The following PTPRZ1 variants were observed in gnomAD, a reference collection of about 807,000 sequenced individuals.
PTPRZ1 encodes the protein receptor-type tyrosine-protein phosphatase zeta.
Under a neutral mutation model 214.1 loss-of-function variants are expected in PTPRZ1, and 82 were observed. That is an observed-to-expected ratio of 0.38 (90% confidence interval 0.32 to 0.46). PTPRZ1 has a LOEUF of 0.46. Ranked by LOEUF, PTPRZ1 falls within the 20% of genes least tolerant of loss-of-function variation. The pLI is 1.00. For synonymous variants in PTPRZ1, 945 were observed against 987.9 expected (o/e 0.96, Z 0.81); for missense variants, 2,603 against 2,748.7 (o/e 0.95, Z 1.19).
chr7:121,975,975 T>C (rs1797417583), intron 4 of PTPRZ1, among the ~76,000 whole-genome samples, 198 bp from the exon 5 acceptor site: 1 of 152,226 alleles, frequency 6.6e-6, no homozygotes. Flanking sequence ...CCCCTGGTAA[T>C]CTCAAAATGG....
At chr7:121,970,047 C>T (rs1402377055) in intron 3 of PTPRZ1, among the ~76,000 whole-genome samples, 24 of 148,190 alleles carry the variant, frequency 1.6e-4, no homozygotes, top group African/African-American at 5.2e-4. Context: ...TGAGAACATG[C>T]GGTGTTTGGT....
At chr7:121,942,014 C>T (rs929997865) in intron 2 of PTPRZ1, among the ~76,000 whole-genome samples, 1 of 152,152 alleles carries the variant, frequency 6.6e-6, no homozygotes, top group Non-Finnish European at 1.5e-5. Flanking sequence ...ACTTTGCATT[C>T]GTTTCACAAT....
At chr7:121,959,237 A>G (rs2116482030) in intron 2 of PTPRZ1, among the ~76,000 whole-genome samples, 1 of 152,348 alleles carries the variant, frequency 6.6e-6, no homozygotes, top group African/African-American at 2.4e-5. Flanking sequence ...AATAGCATAT[A>G]TCAGCCAGAC....
chr7:121,988,929 T>A lies in PTPRZ1; in HGVS notation c.928+4812T>A, dbSNP rs181039746. 1.4e-4 allele frequency among the ~76,000 whole-genome samples: 22 copies of A among 152,290 alleles called. No individual in the cohort carries two copies. In the East Asian group the frequency reaches 3.1e-3, roughly 21 times the overall value. ...ATGTGTGTACAGTTCATGTTCAAAA[T>A]TAAAGATCATTCCAGGAAAAGAAAG... is the stretch of plus-strand genomic sequence containing the variant. On this transcript the variant is annotated intron_variant, in intron 8 of 29. Transcript: ENST00000393386.
intron 11 of PTPRZ1, among the ~76,000 whole-genome samples, chr7:122,008,056 G>GT (rs1260978056): frequency 6.6e-5 from 10 of 151,870 alleles, no homozygotes; most frequent in African/African-American, 2.4e-4. Context: ...TGTGTGCATA[G>GT]TTTTTTCCCA....
chr7:121,952,215 C>T (rs1428278785), intron 2 of PTPRZ1, among the ~76,000 whole-genome samples: 2 of 152,112 alleles, frequency 1.3e-5, no homozygotes, highest in African/African-American at 2.4e-5. Context: ...GCCTCGGCCT[C>T]CCAAAGTGCT....
chr7:122,047,265 A>G (rs1792021297), intron 23 of PTPRZ1, among the ~76,000 whole-genome samples: 1 of 152,204 alleles, frequency 6.6e-6, no homozygotes, highest in South Asian at 2.1e-4. Context: ...AGACAATTAT[A>G]TAACTCTTAA....
chr7:121,999,972 A>C (rs1798270193), intron 10 of PTPRZ1, among the ~76,000 whole-genome samples: 2 of 152,144 alleles, frequency 1.3e-5, no homozygotes, highest in Admixed American at 1.3e-4. Flanking sequence ...TTGTTTGGAT[A>C]CACCATTAAA....
intron 12 of PTPRZ1, among the ~76,000 whole-genome samples, chr7:122,016,659 G>A (rs2116675652): frequency 6.6e-6 from 1 of 151,528 alleles, no homozygotes; most frequent in African/African-American, 2.4e-5. Flanking sequence ...TGTGTATATG[G>A]TATATTTACA....
chr7:121,933,515 G>A (rs564810757), intron 2 of PTPRZ1, among the ~76,000 whole-genome samples: 1 of 152,034 alleles, frequency 6.6e-6, no homozygotes, highest in Admixed American at 6.5e-5. Context: ...ATTCAAATAA[G>A]AAAGTATGGC....
At chr7:122,030,093 A>G (rs963333254) in intron 14 of PTPRZ1, among the ~76,000 whole-genome samples, 1 of 151,976 alleles carries the variant, frequency 6.6e-6, no homozygotes, top group African/African-American at 2.4e-5. Flanking sequence ...TTTTTAACAA[A>G]TAAAATAATA....
In PTPRZ1 at chr7:122,011,773, A is replaced by G; in HGVS notation, c.2727A>G (p.Glu909=). 1 of 1,614,104 alleles carries G rather than the reference A, an allele frequency of 6.2e-7. No homozygotes were observed. The highest frequency in any genetic ancestry group is 8.5e-7 in the Non-Finnish European group (1 of 1,179,976). ...LYKTLMFSQV[E]PPSSDAMMHA... is the part of the protein sequence containing the mutation. ...AAACGCTTATGTTTTCTCAAGTTGA[A>G]CCACCCAGCAGTGATGCCATGATGC... The change falls in exon 12 of 30, where the codon GAA becomes GAG. Residue 909 remains glutamate (E), a synonymous_variant. Transcript: ENST00000393386.
At chr7:121,957,316 G>T (rs1177725835) in intron 2 of PTPRZ1, among the ~76,000 whole-genome samples, 1 of 151,824 alleles carries the variant, frequency 6.6e-6, no homozygotes, top group African/African-American at 2.4e-5. Context: ...TTTCTCTTGG[G>T]CATGGTGGCG....
chr7:121,912,300 A>G (rs2116312785), intron 1 of PTPRZ1, among the ~76,000 whole-genome samples: 1 of 152,336 alleles, frequency 6.6e-6, no homozygotes, highest in South Asian at 2.1e-4. Flanking sequence ...GGGAAACAAT[A>G]TAAGAGATGG....
At position 122,013,199 on chromosome 7, in the gene PTPRZ1, G is replaced by A; in HGVS notation, c.4153G>A (p.Gly1385Ser). Residue 1385 changes from glycine (G) to serine (S), a missense_variant, in exon 12 of 30, where the codon GGT (glycine) becomes AGT (serine). Around this residue, in one of 6 missense-constraint regions of PTPRZ1, gnomAD observed 1,913 missense variants for 1,914.3 expected, o/e 1.00. Transcript: ENST00000393386. ...AITAVSPHRD[G>S]SVTSTKLLFP... Reference sequence around the variant, plus strand: ...TACAGCTGTTTCTCCCCACAGAGATGGTTCTGTAACCTCAACAAAGTTGCT... The same window carrying A: ...TACAGCTGTTTCTCCCCACAGAGATAGTTCTGTAACCTCAACAAAGTTGCT... 1 of 1,614,116 alleles carries A rather than the reference G, an allele frequency of 6.2e-7. No individual in the cohort carries two copies. The highest frequency in any genetic ancestry group is 8.5e-7 in the Non-Finnish European group (1 of 1,180,014).
chr7:122,019,296 T>G (rs758893537), intron 13 of PTPRZ1, 28 bp downstream of exon 13: 1 of 1,588,688 alleles, frequency 6.3e-7, no homozygotes, highest in Admixed American at 1.7e-5. Context: ...TTTGGAAAAT[T>G]TAATTCATAA....
rs988399746 is a variant in PTPRZ1, at chr7:121,972,832, C to G, written c.456+140C>G. On this transcript the variant is annotated intron_variant, in intron 4 of 29. Coordinates refer to ENST00000393386, the MANE Select transcript of PTPRZ1 (RefSeq NM_002851.3). ...TTGATTACTTGATTAATATACTAGA[C>G]TAAGCTAAATTAATGTAAGACTTAT... The G allele has an allele frequency of 4.2e-6, 3 of 708,718 alleles. No individual in the cohort carries two copies. The African/African-American group carries it at 5.6e-5, about 13-fold the overall frequency. The allele number at this position is 708,718 out of a possible 1,614,324, so 43.9% of individuals were successfully genotyped here. A position where few individuals can be genotyped will look rare whatever the true frequency, so the allele number is the denominator to read the frequency against.
chr7:121,926,177 C>T (rs1040595185), intron 1 of PTPRZ1, among the ~76,000 whole-genome samples: 4 of 151,040 alleles, frequency 2.6e-5, no homozygotes, highest in South Asian at 2.1e-4. Context: ...TGGTGGCATG[C>T]GCCTGTAATC....
chr7:121,923,861 T>C (rs1795674728), intron 1 of PTPRZ1, among the ~76,000 whole-genome samples: 1 of 152,034 alleles, frequency 6.6e-6, no homozygotes, highest in Non-Finnish European at 1.5e-5. Flanking sequence ...TATATGCTTG[T>C]ATACATACCT....
Sources: allele counts gnomAD v4.1 joint callset (sites outside exome capture counted in the v4.1 genomes callset), GRCh38; gene constraint gnomAD v4.1.1; regional missense constraint gnomAD v4.1.1; transcripts MANE v1.5; gene names NCBI Gene and HGNC (gene_info 2026-07-23, HGNC 2026-07-21).